MYO5B: variants seen among roughly 807,000 people sequenced by gnomAD.
The protein encoded by MYO5B is unconventional myosin-Vb.
MYO5B carries 143 observed loss-of-function variants against 229.3 expected under a neutral mutation model. That is an observed-to-expected ratio of 0.62 (90% CI 0.54 to 0.72). The LOEUF is 0.72. Among genes scored for constraint, MYO5B ranks in the 30% least tolerant of loss-of-function variants. The pLI is 0.00. For synonymous variants in MYO5B, 918 were observed against 885.2 expected (o/e 1.04, Z -0.66); for missense variants, 2,321 against 2,331.0 (o/e 1.00, Z 0.09).
intron 4 of MYO5B, among the ~76,000 whole-genome samples, chr18:50,016,110 C>G (rs1373882669): frequency 6.6e-6 from 1 of 152,174 alleles, no homozygotes; most frequent in Non-Finnish European, 1.5e-5. Context: ...GTAGGCAAGG[C>G]CTTCAGATCC....
chr18:49,946,379 T>C (rs2025373170), intron 14 of MYO5B: 1 of 152,236 alleles, frequency 6.6e-6, no homozygotes, highest in African/African-American at 2.4e-5. Flanking sequence ...CAGGGTGGTA[T>C]GGCCGTAGAT....
intron 1 of MYO5B, chr18:50,097,354 T>C: frequency 2.2e-6 from 1 of 445,746 alleles, no homozygotes; most frequent in Non-Finnish European, 4.6e-6. Context: ...ACCATTCTTT[T>C]GATTCCCAGT....
At chr18:49,937,688 T>C (rs1423179945) in intron 14 of MYO5B, among the ~76,000 whole-genome samples, 1 of 152,106 alleles carries the variant, frequency 6.6e-6, no homozygotes, top group Non-Finnish European at 1.5e-5. Context: ...TGCCACAACA[T>C]GGACACACCT....
intron 2 of MYO5B, 66 bp from the exon 3 acceptor site, chr18:50,040,380 C>A (rs1188888286): frequency 7.0e-7 from 1 of 1,426,214 alleles, no homozygotes; most frequent in Non-Finnish European, 9.9e-7. Flanking sequence ...ATTCAATGTC[C>A]TGTCTTCTTA....
At chr18:50,087,566 C>G (rs2031357216) in intron 1 of MYO5B, among the ~76,000 whole-genome samples, 1 of 136,802 alleles carries the variant, frequency 7.3e-6, no homozygotes, top group South Asian at 2.3e-4. Flanking sequence ...GAGGAAGACT[C>G]CATCTCAAAA....
chr18:50,034,697 T>C (rs993650550), intron 4 of MYO5B, among the ~76,000 whole-genome samples: 2 of 152,066 alleles, frequency 1.3e-5, no homozygotes, highest in African/African-American at 4.8e-5. Context: ...TGAGCTGATA[T>C]CGCAGCACTT....
rs73959799 is a variant in MYO5B at position 49,974,329 on chromosome 18, C to T, written c.1322+21G>A. The T allele has an allele frequency of 1.2e-3, 1,891 of 1,614,136 alleles. 12 individuals are homozygous for T. The African/African-American group carries it at 0.014, about 12-fold the overall frequency. ...AGCCACTCCCAGGTAGCAGATAGAGCGAGACAGGCGGCAGGCCTACCCATA... is the reference window on the plus strand; with the variant it reads ...AGCCACTCCCAGGTAGCAGATAGAGTGAGACAGGCGGCAGGCCTACCCATA... On this transcript the variant is annotated intron_variant, in intron 10 of 39. Coordinates refer to ENST00000285039, the MANE Select transcript of MYO5B (RefSeq NM_001080467.3).
At chr18:50,126,855 G>A (rs965231127) in intron 1 of MYO5B, among the ~76,000 whole-genome samples, 6 of 152,212 alleles carry the variant, frequency 3.9e-5, no homozygotes, top group African/African-American at 2.4e-5. Flanking sequence ...CCTTGGGCAA[G>A]TTACTAGATC....
chr18:49,888,942 T>TC (rs1004177659), intron 22 of MYO5B, among the ~76,000 whole-genome samples: 2 of 152,194 alleles, frequency 1.3e-5, no homozygotes, highest in African/African-American at 4.8e-5. Flanking sequence ...CAGCAATGCT[T>TC]CCTCATACAC....
chr18:50,099,802 C>A (rs777675350), intron 1 of MYO5B, among the ~76,000 whole-genome samples: 57 of 152,220 alleles, frequency 3.7e-4, no homozygotes, highest in Non-Finnish European at 7.2e-4. Context: ...GTAAAGCCAA[C>A]TGGCTTCGTT....
At chr18:49,967,539 G>T (rs535401900) in intron 10 of MYO5B, among the ~76,000 whole-genome samples, 2 of 152,204 alleles carry the variant, frequency 1.3e-5, no homozygotes, top group African/African-American at 4.8e-5. Context: ...ATGGACTACA[G>T]ATTAGATACA....
intron 14 of MYO5B, among the ~76,000 whole-genome samples, chr18:49,950,386 C>T (rs2025419284): frequency 6.6e-6 from 1 of 152,216 alleles, no homozygotes; most frequent in Admixed American, 6.5e-5. Context: ...AACATCTATA[C>T]ACTTTTGATG....
At chr18:49,925,789 A>G (rs929253874) in intron 17 of MYO5B, among the ~76,000 whole-genome samples, 1 of 152,174 alleles carries the variant, frequency 6.6e-6, no homozygotes, top group African/African-American at 2.4e-5. Flanking sequence ...TTGGATGAAG[A>G]TATGTCTGAT....
At chr18:49,854,917 C>T (rs1455711228) in intron 30 of MYO5B, among the ~76,000 whole-genome samples, 1 of 152,110 alleles carries the variant, frequency 6.6e-6, no homozygotes, top group African/African-American at 2.4e-5. Flanking sequence ...GGGTGTAACA[C>T]CTGACTCCCA....
At chr18:49,906,736 A>G in intron 18 of MYO5B, 106 bp from the exon 19 acceptor site, 1 of 974,714 alleles carries the variant, frequency 1.0e-6, no homozygotes, top group Non-Finnish European at 1.6e-6. Context: ...GCCAGACTTC[A>G]TGCACCCCTC....
chr18:50,126,173 T>TA (rs1319689862), intron 1 of MYO5B, among the ~76,000 whole-genome samples: 1 of 152,174 alleles, frequency 6.6e-6, no homozygotes, highest in Non-Finnish European at 1.5e-5. Context: ...TTACCACAAC[T>TA]AAAAAATGTT....
chr18:49,831,135 C>G (rs928547499), intron 39 of MYO5B, among the ~76,000 whole-genome samples: 80 of 152,134 alleles, frequency 5.3e-4, no homozygotes, highest in African/African-American at 1.8e-3. Context: ...ATACCATATA[C>G]AAAAATTAAC....
At chr18:50,117,821 T>TC (rs1174556123) in intron 1 of MYO5B, among the ~76,000 whole-genome samples, 2 of 151,802 alleles carry the variant, frequency 1.3e-5, no homozygotes, top group Admixed American at 6.6e-5. Context: ...ATAGAAGAGG[T>TC]CTCTGGCTTA....
At chr18:50,109,710 G>A (rs2031831233) in intron 1 of MYO5B, among the ~76,000 whole-genome samples, 1 of 152,192 alleles carries the variant, frequency 6.6e-6, no homozygotes, top group African/African-American at 2.4e-5. Flanking sequence ...ACAGGCATGA[G>A]CCACCACGAC....
Sources: allele counts gnomAD v4.1 joint callset (sites outside exome capture counted in the v4.1 genomes callset), GRCh38; gene constraint gnomAD v4.1.1; transcripts MANE v1.5; gene names NCBI Gene and HGNC (gene_info 2026-07-23, HGNC 2026-07-21).